ZMYM4: variants seen among roughly 807,000 people sequenced by gnomAD.
The protein encoded by ZMYM4 is zinc finger MYM-type protein 4.
In ZMYM4, 31 loss-of-function variants were observed where a neutral mutation model predicts 183.2. The ratio of observed to expected loss-of-function variants is 0.17; its 90% CI spans 0.13 to 0.23. The LOEUF (loss-of-function observed/expected upper bound fraction) is 0.23, where lower values mean the gene tolerates loss of function less well. Ranked by LOEUF, ZMYM4 falls within the 10% of genes least tolerant of loss-of-function variation. The pLI is 1.00. For missense variants in ZMYM4, 1,273 were observed against 1,840.3 expected, an observed-to-expected ratio of 0.69 and a Z score of 5.64; for synonymous variants, 592 against 631.2, an observed-to-expected ratio of 0.94 and a Z score of 0.93.
intron 17 of ZMYM4, among the ~76,000 whole-genome samples, chr1:35,393,220 TA>T (rs1404593071): frequency 6.6e-6 from 1 of 152,220 alleles, no homozygotes; most frequent in Admixed American, 6.5e-5. Context: ...TAAATGATCA[TA>T]AGTGATTCTG....
At chr1:35,309,639 A>G (rs1006195618) in intron 1 of ZMYM4, among the ~76,000 whole-genome samples, 1 of 152,152 alleles carries the variant, frequency 6.6e-6, no homozygotes, top group Admixed American at 6.6e-5. Flanking sequence ...TGGGGAAAGC[A>G]GTTGTCTGCC....
intron 1 of ZMYM4, among the ~76,000 whole-genome samples, chr1:35,271,145 T>C (rs1313792134): frequency 6.6e-6 from 1 of 152,226 alleles, no homozygotes; most frequent in Non-Finnish European, 1.5e-5. Context: ...CAGGGTAAAT[T>C]ACTTAAGATA....
At chr1:35,385,345 T>G in intron 9 of ZMYM4, 97 bp from the exon 10 acceptor site, 1 of 1,292,302 alleles carries the variant, frequency 7.7e-7, no homozygotes, top group African/African-American at 1.5e-5. Context: ...AATCACTGAT[T>G]TCAAATATTT....
chr1:35,385,384 GA>G (rs1644554818), intron 9 of ZMYM4, 57 bp from the exon 10 acceptor site: 5 of 1,533,604 alleles, frequency 3.3e-6, no homozygotes, highest in Non-Finnish European at 4.4e-6. Flanking sequence ...ACATTTCGAA[GA>G]ATTATGCTTT....
chr1:35,376,005 GTTTGAGGCTGCAGTGAGC>G (rs1644326161), intron 7 of ZMYM4, among the ~76,000 whole-genome samples: 1 of 151,776 alleles, frequency 6.6e-6, no homozygotes, highest in East Asian at 1.9e-4. Flanking sequence ...GAGTCCAGGA[GTTTGAGGCTGCAGTGAGC>G]TATGATCACA....
At position 35,405,198 on chromosome 1, in the gene ZMYM4, A is replaced by T; in HGVS notation, c.3700+4A>T. The stretch of plus-strand genomic sequence containing the variant: ...CAGGGGGATCTAAAATGTGGAGGTA[A>T]GTGCACAGCATGAATTGTATCTTGA... On this transcript the variant is annotated splice_donor_region_variant and intron_variant, in intron 24 of 29. Coordinates refer to ENST00000314607, the MANE Select transcript of ZMYM4 (RefSeq NM_005095.3). 6.2e-7 allele frequency: 1 copy of T among 1,613,402 alleles called. No individual in the cohort carries two copies. Among genetic ancestry groups the T allele is most frequent in the Non-Finnish European group, 8.5e-7 (1 of 1,179,488 alleles).
intron 5 of ZMYM4, among the ~76,000 whole-genome samples, chr1:35,364,622 T>C (rs1644024604): frequency 6.6e-6 from 1 of 152,200 alleles, no homozygotes; most frequent in African/African-American, 2.4e-5. Flanking sequence ...ACTATTAGCC[T>C]CTCATAAAAT....
rs772931568 is a variant in ZMYM4, at chr1:35,269,033, G to T, written c.-14G>T. 2 of 1,541,882 alleles carry T rather than the reference G, an allele frequency of 1.3e-6. No individual in the cohort carries two copies. Among genetic ancestry groups the T allele is most frequent in the East Asian group, 2.5e-5 (1 of 40,124 alleles). On this transcript the variant is annotated 5_prime_UTR_variant, in exon 1 of 30. Coordinates refer to ENST00000314607, the MANE Select transcript of ZMYM4 (RefSeq NM_005095.3). ...CCGCGCGGGGAGCCGCAGCGGTTCC[G>T]AGCGGGGCCCAACATGGCGGAGAGA...
chr1:35,396,731 A>T, intron 19 of ZMYM4, 61 bp downstream of exon 19: 1 of 1,549,370 alleles, frequency 6.5e-7, no homozygotes, highest in East Asian at 2.3e-5. Flanking sequence ...TTAAAACTGT[A>T]TAGTTCTGTG....
chr1:35,285,032 T>C (rs1339149551), intron 1 of ZMYM4, among the ~76,000 whole-genome samples: 1 of 152,236 alleles, frequency 6.6e-6, no homozygotes, highest in South Asian at 2.1e-4. Context: ...TCTGTTCTAT[T>C]TGTCTATATG....
intron 1 of ZMYM4, among the ~76,000 whole-genome samples, chr1:35,286,745 A>G (rs1471562351): frequency 7.1e-6 from 1 of 141,662 alleles, no homozygotes; most frequent in East Asian, 2.0e-4. Context: ...ACCACAGACA[A>G]TACCCTTGTG....
At chr1:35,393,858 C>T in intron 18 of ZMYM4, 119 bp downstream of exon 18, 1 of 1,165,606 alleles carries the variant, frequency 8.6e-7, no homozygotes, top group South Asian at 2.4e-5. Flanking sequence ...TATACATTGC[C>T]CAATTTAGTT....
chr1:35,374,377 A>G (rs1433276966), intron 7 of ZMYM4, among the ~76,000 whole-genome samples: 5 of 152,068 alleles, frequency 3.3e-5, no homozygotes, highest in Admixed American at 6.6e-5. Context: ...GAAGATTTTA[A>G]TTTTTATAGT....
chr1:35,390,831 A>C (rs532532601), intron 15 of ZMYM4, among the ~76,000 whole-genome samples: 1 of 152,234 alleles, frequency 6.6e-6, no homozygotes, highest in East Asian at 1.9e-4. Flanking sequence ...GAGACTACTT[A>C]TAACAAAAGA....
intron 1 of ZMYM4, among the ~76,000 whole-genome samples, chr1:35,307,786 G>A (rs1256604298): frequency 2.6e-5 from 4 of 151,230 alleles, no homozygotes. Flanking sequence ...TGCCCGCCTC[G>A]GCCTCCCAAA....
intron 2 of ZMYM4, among the ~76,000 whole-genome samples, chr1:35,328,877 T>C (rs901117748): frequency 2.6e-5 from 4 of 152,158 alleles, no homozygotes; most frequent in Non-Finnish European, 5.9e-5. Flanking sequence ...TTGGGATTCA[T>C]GTCTAGAAAA....
chr1:35,343,639 C>T (rs537206096), intron 2 of ZMYM4, among the ~76,000 whole-genome samples: 11 of 152,130 alleles, frequency 7.2e-5, no homozygotes, highest in Admixed American at 2.6e-4. Context: ...CCAAGGCGGG[C>T]GGATTGCCTG....
intron 28 of ZMYM4, 128 bp from the exon 29 acceptor site, chr1:35,418,315 T>A (rs1640202597): frequency 1.1e-6 from 1 of 943,720 alleles, no homozygotes; most frequent in Non-Finnish European, 1.5e-6. Flanking sequence ...ATTTGTTGAA[T>A]GAGTGTGAGT....
intron 15 of ZMYM4, among the ~76,000 whole-genome samples, chr1:35,391,685 G>T (rs1644708144): frequency 1.3e-5 from 2 of 152,166 alleles, no homozygotes; most frequent in Admixed American, 1.3e-4. Context: ...TTTTAAGTTA[G>T]ACTATTTGTT....
Sources: allele counts gnomAD v4.1 joint callset (sites outside exome capture counted in the v4.1 genomes callset), GRCh38; gene constraint gnomAD v4.1.1; transcripts MANE v1.5; gene names NCBI Gene and HGNC (gene_info 2026-07-23, HGNC 2026-07-21).